The following ROBO1 variants were observed in gnomAD, a reference collection of about 807,000 sequenced individuals.
ROBO1 encodes the protein roundabout homolog 1.
In ROBO1, 149 loss-of-function variants were observed where a neutral mutation model predicts 195.9. The observed-to-expected ratio is 0.76, with a 90% CI of 0.67 to 0.87. ROBO1 has a LOEUF of 0.87. Among genes scored for constraint, ROBO1 ranks in the 40% least tolerant of loss-of-function variants. The pLI is 0.00. For missense variants in ROBO1, 1,933 were observed against 2,068.3 expected, an observed-to-expected ratio of 0.93 and a Z score of 1.27; for synonymous variants, 816 against 733.2, an observed-to-expected ratio of 1.11 and a Z score of -1.82.
rs71631648 is a variant in ROBO1, at chr3:79,395,340, A to AAAAAGAAAGAAAGAAAGAAAGAAAG, written c.88+194483_88+194484insCTTTCTTTCTTTCTTTCTTTCTTTT. Among the ~76,000 whole-genome samples, 135 of 119,042 alleles carry AAAAAGAAAGAAAGAAAGAAAGAAAG rather than the reference A, an allele frequency of 1.1e-3. 1 individual carries two copies. The highest frequency in any genetic ancestry group is 4.0e-3 in the African/African-American group (130 of 32,326). 78.1% of individuals were successfully genotyped at this position (119,042 alleles called of 152,430 possible). On this transcript the variant is annotated intron_variant, in intron 2 of 30. Transcript: ENST00000464233. ...CCGTCTCAAAAAAAAAAAAAAAAAA[A>AAAAAGAAAGAAAGAAAGAAAGAAAG]AAAGAAAGAAAGAAAGAAAGAAAGA... is the stretch of plus-strand genomic sequence containing the variant.
At chr3:79,719,494 A>G (rs1251426869) in intron 1 of ROBO1, among the ~76,000 whole-genome samples, 1 of 152,180 alleles carries the variant, frequency 6.6e-6, no homozygotes. Context: ...AAACTTCTAC[A>G]TAACATGTAA....
chr3:79,118,855 C>A (rs2080061370), intron 3 of ROBO1, among the ~76,000 whole-genome samples: 1 of 145,098 alleles, frequency 6.9e-6, no homozygotes, highest in African/African-American at 2.6e-5. Flanking sequence ...CAGAGCAAGA[C>A]TCCAACTCAA....
intron 2 of ROBO1, among the ~76,000 whole-genome samples, chr3:79,277,566 A>T (rs1484083728): frequency 6.6e-6 from 1 of 152,116 alleles, no homozygotes; most frequent in Non-Finnish European, 1.5e-5. Context: ...ATTTGAATGC[A>T]CAAGTGACTT....
intron 2 of ROBO1, among the ~76,000 whole-genome samples, chr3:79,403,811 G>C (rs1355370627): frequency 1.3e-5 from 2 of 151,860 alleles, no homozygotes; most frequent in Non-Finnish European, 2.9e-5. Context: ...ATATTTGTTA[G>C]AATGAAAAAG....
At chr3:78,989,248 T>C (rs1347690183) in intron 3 of ROBO1, among the ~76,000 whole-genome samples, 1 of 152,186 alleles carries the variant, frequency 6.6e-6, no homozygotes, top group Non-Finnish European at 1.5e-5. Flanking sequence ...ATTATATGTA[T>C]TAAAACATTA....
At chr3:79,541,275 A>T (rs1012214116) in intron 2 of ROBO1, among the ~76,000 whole-genome samples, 14 of 152,072 alleles carry the variant, frequency 9.2e-5, no homozygotes, top group Non-Finnish European at 2.1e-4. Flanking sequence ...TTTTTCTTAT[A>T]ATTTAAGTGA....
chr3:79,588,749 C>A (rs948424880), intron 2 of ROBO1, among the ~76,000 whole-genome samples: 1 of 151,616 alleles, frequency 6.6e-6, no homozygotes, highest in Admixed American at 6.6e-5. Context: ...GTGGGCTAAC[C>A]TAATTTGATA....
intron 27 of ROBO1, among the ~76,000 whole-genome samples, 160 bp downstream of exon 27, chr3:78,617,475 A>G (rs1704177028): frequency 1.3e-5 from 2 of 151,258 alleles, no homozygotes; most frequent in African/African-American, 4.9e-5. Flanking sequence ...CAACTAAGTC[A>G]TATTCTTGGA....
chr3:79,387,930 C>T (rs546167064), intron 2 of ROBO1, among the ~76,000 whole-genome samples: 3 of 152,184 alleles, frequency 2.0e-5, no homozygotes, highest in African/African-American at 7.2e-5. Context: ...CAAATAAATG[C>T]TATGTTCTTT....
At chr3:79,594,822 T>C (rs1429548339) in intron 1 of ROBO1, among the ~76,000 whole-genome samples, 1 of 151,968 alleles carries the variant, frequency 6.6e-6, no homozygotes, top group East Asian at 1.9e-4. Context: ...TCCGGTGAAA[T>C]TCCTCCAGGG....
intron 4 of ROBO1, among the ~76,000 whole-genome samples, chr3:78,750,478 TAAA>T (rs1237790083): frequency 2.7e-5 from 4 of 146,712 alleles, no homozygotes; most frequent in African/African-American, 1.0e-4. Flanking sequence ...AATAAATAAA[TAAA>T]TAAATAAATA....
intron 4 of ROBO1, among the ~76,000 whole-genome samples, chr3:78,878,606 A>C (rs1432429084): frequency 1.3e-5 from 2 of 151,238 alleles, no homozygotes; most frequent in East Asian, 1.9e-4. Context: ...AAAAAAAAAA[A>C]AACTGCATAA....
chr3:78,757,770 GA>G (rs777330457), intron 4 of ROBO1, among the ~76,000 whole-genome samples: 1 of 152,146 alleles, frequency 6.6e-6, no homozygotes, highest in African/African-American at 2.4e-5. Flanking sequence ...TTCAGTGATA[GA>G]AAAAACCAAG....
At chr3:78,718,366 G>A (rs2081954888) in intron 5 of ROBO1, among the ~76,000 whole-genome samples, 1 of 152,114 alleles carries the variant, frequency 6.6e-6, no homozygotes, top group Non-Finnish European at 1.5e-5. Context: ...TAATTTGCCA[G>A]AGTTGCTTTA....
chr3:79,204,521 T>C (rs2081829905), intron 2 of ROBO1, among the ~76,000 whole-genome samples: 1 of 152,104 alleles, frequency 6.6e-6, no homozygotes, highest in African/African-American at 2.4e-5. Context: ...GCTATATGTG[T>C]TCCGTCATAG....
intron 2 of ROBO1, among the ~76,000 whole-genome samples, chr3:79,283,761 G>A (rs1000489017): frequency 6.7e-6 from 1 of 149,978 alleles, no homozygotes; most frequent in Non-Finnish European, 1.5e-5. Flanking sequence ...GCAGTGGCGC[G>A]ATCTCCGCTC....
chr3:79,160,496 A>G (rs1446174870), intron 2 of ROBO1, among the ~76,000 whole-genome samples: 1 of 152,010 alleles, frequency 6.6e-6, no homozygotes, highest in Non-Finnish European at 1.5e-5. Context: ...CTGAGGGCAT[A>G]TTGTAGGTTC....
chr3:79,530,755 CCACACACACACACACACA>C (rs59568172), intron 2 of ROBO1, among the ~76,000 whole-genome samples: 94 of 128,254 alleles, frequency 7.3e-4, no homozygotes, highest in African/African-American at 1.9e-3. Flanking sequence ...CACCTTGTAA[CCACACACACACACACACA>C]CACACACACA....
At chr3:79,051,169 A>T (rs943074344) in intron 3 of ROBO1, among the ~76,000 whole-genome samples, 2 of 152,194 alleles carry the variant, frequency 1.3e-5, no homozygotes, top group African/African-American at 4.8e-5. Context: ...AGCAAGACTA[A>T]TAAAGAAGAA....
Sources: allele counts gnomAD v4.1 joint callset (sites outside exome capture counted in the v4.1 genomes callset), GRCh38; gene constraint gnomAD v4.1.1; transcripts MANE v1.5; gene names NCBI Gene and HGNC (gene_info 2026-07-23, HGNC 2026-07-21).